SLFN12L: variants seen among roughly 807,000 people sequenced by gnomAD.
SLFN12L encodes schlafen family member 12 like, also known as schlafen family member 12-like.
Under a neutral mutation model 34.8 loss-of-function variants are expected in SLFN12L, and 34 were observed. The ratio of observed to expected loss-of-function variants is 0.98; its 90% confidence interval spans 0.74 to 1.30. The LOEUF (loss-of-function observed/expected upper bound fraction) is 1.30, where lower values mean the gene tolerates loss of function less well. SLFN12L is among the 50% of genes most tolerant of loss of function. The pLI is 0.00. For missense variants in SLFN12L, 703 were observed against 696.2 expected (o/e 1.01, Z -0.11); for synonymous variants, 259 against 247.5 (o/e 1.05, Z -0.44).
chr17:35,514,975 C>A, intron 2 of SLFN12L: 1 of 463,944 alleles, frequency 2.2e-6, no homozygotes. Flanking sequence ...TATATCTCTT[C>A]CAGGAAGAAT....
At chr17:35,530,428 AGGGAAGG>A (rs1195239286) in intron 1 of SLFN12L, among the ~76,000 whole-genome samples, 19 of 9,884 alleles carry the variant, frequency 1.9e-3, no homozygotes, top group Non-Finnish European at 2.7e-3. Context: ...GAAGGAAGGA[AGGGAAGG>A]GAAGGGAAGA....
intron 2 of SLFN12L, chr17:35,491,000 C>G: frequency 1.3e-6 from 1 of 788,328 alleles, no homozygotes; most frequent in Non-Finnish European, 2.3e-6. Context: ...TATGGGAAAC[C>G]TTTCTCCTCC....
chr17:35,518,507 T>C (rs578124839), intron 2 of SLFN12L, among the ~76,000 whole-genome samples: 31 of 147,494 alleles, frequency 2.1e-4, no homozygotes, highest in Non-Finnish European at 4.0e-4. Flanking sequence ...GCCGAGATCG[T>C]GCCACTGCAC....
intron 2 of SLFN12L, among the ~76,000 whole-genome samples, chr17:35,516,049 CACTT>C (rs1378548517): frequency 6.6e-6 from 1 of 152,080 alleles, no homozygotes; most frequent in African/African-American, 2.4e-5. Context: ...TTTATATAAA[CACTT>C]AGTAACATCT....
intron 2 of SLFN12L, among the ~76,000 whole-genome samples, chr17:35,508,320 A>G (rs1915530638): frequency 6.6e-6 from 1 of 152,150 alleles, no homozygotes; most frequent in African/African-American, 2.4e-5. Flanking sequence ...TCTTCCTTCT[A>G]CAACTCGGTG....
At chr17:35,489,180 CACTG>C (rs1200992794) in intron 2 of SLFN12L, among the ~76,000 whole-genome samples, 1 of 152,178 alleles carries the variant, frequency 6.6e-6, no homozygotes, top group Non-Finnish European at 1.5e-5. Flanking sequence ...CTTCTTCAGT[CACTG>C]ACTTACAAAA....
chr17:35,524,045 G>C (rs1300986851), intron 1 of SLFN12L, among the ~76,000 whole-genome samples: 1 of 152,118 alleles, frequency 6.6e-6, no homozygotes, highest in Non-Finnish European at 1.5e-5. Flanking sequence ...TTTGTAAGTG[G>C]TAATTTGAAA....
rs771850062 is a variant in SLFN12L at position 35,479,471 on chromosome 17, A to G, written c.811T>C (p.Phe271Leu). The G allele has an allele frequency of 1.2e-6, 2 of 1,614,044 alleles. No individual in the cohort carries two copies. Among genetic ancestry groups the G allele is most frequent in the African/African-American group, 2.7e-5 (2 of 74,936 alleles). The change falls in exon 3 of 5, where the codon TTT becomes CTT. Residue 271 changes from phenylalanine (F) to leucine (L), a missense_variant. Physicochemically the swap from Phe to Leu is conservative, Grantham distance 22. Transcript: ENST00000628453. ...AAATATCCTCCATCAGTATTTGCAA[A>G]TGCAGAAACATATTGAGGGAGAATC... ...TEILPQYVSA[F>L]ANTDGGYLFV...
Position 35,468,255 on chromosome 17 carries a change from C to G in SLFN12L, c.*6668G>C, listed in dbSNP as rs371446637. On this transcript the variant is annotated 3_prime_UTR_variant, in exon 5 of 5. Coordinates refer to ENST00000628453, the MANE Select transcript of SLFN12L (RefSeq NM_001363830.2). The stretch of plus-strand genomic sequence containing the variant: ...ATGGGTGCTTTTGTTGTTTTATCAT[C>G]TGGAGGCACCAACCCTCCATACAAG... Among the ~76,000 whole-genome samples the G allele has an allele frequency of 8.4e-4, 128 of 152,270 alleles. 1 individual carries two copies. Among genetic ancestry groups the G allele is most frequent in the African/African-American group, 2.9e-3 (119 of 41,552 alleles).
At chr17:35,521,963 C>A (rs1014979509) in intron 2 of SLFN12L, among the ~76,000 whole-genome samples, 14 of 151,956 alleles carry the variant, frequency 9.2e-5, no homozygotes, top group Non-Finnish European at 1.8e-4. Context: ...CACACCGGGG[C>A]CTGTTGTGGG....
rs1409814757 is a variant in SLFN12L, at chr17:35,495,872, C to T, written c.87-15677G>A. Among the ~76,000 whole-genome samples the T allele has an allele frequency of 3.4e-5, 5 of 146,270 alleles. No homozygotes were observed. In the Admixed American group the frequency reaches 3.5e-4, roughly 10 times the overall value. On this transcript the variant is annotated intron_variant, in intron 2 of 4. Transcript: ENST00000628453. ...CAGAATCTGAAGCGTGCAGGGTGAG[C>T]GACAGAAGCTGGAGAAAGCCGATTT...
intron 2 of SLFN12L, among the ~76,000 whole-genome samples, chr17:35,521,164 A>G (rs1291249375): frequency 6.6e-6 from 1 of 152,192 alleles, no homozygotes; most frequent in Non-Finnish European, 1.5e-5. Flanking sequence ...TCAAAAATAA[A>G]GTCTGAAAAA....
chr17:35,490,598 C>G (rs1914798795), intron 2 of SLFN12L: 1 of 831,390 alleles, frequency 1.2e-6, no homozygotes, highest in Non-Finnish European at 2.1e-6. Flanking sequence ...CAAGGCCTGT[C>G]AAAAGAAATG....
Position 35,530,439 on chromosome 17 carries a change from GGGAAGAAAGAAAGAAAGAAA to G in SLFN12L, c.-606+7114_-606+7133del, listed in dbSNP as rs1193416207. On this transcript the variant is annotated intron_variant, in intron 1 of 4. Coordinates refer to ENST00000628453, the MANE Select transcript of SLFN12L (RefSeq NM_001363830.2). ...GAAGGAAGGAAGGAAGGGAAGGGAA[GGGAAGAAAGAAAGAAAGAAA>G]GAAAGAAAGAAAGAAAGAAAGAAAG... Among the ~76,000 whole-genome samples, 15 of 10,952 alleles carry G rather than the reference GGGAAGAAAGAAAGAAAGAAA, an allele frequency of 1.4e-3. 1 individual carries two copies. Among genetic ancestry groups the G allele is most frequent in the African/African-American group, 1.9e-3 (11 of 5,766 alleles). The allele number at this position is 10,952 out of a possible 152,430, so 7.2% of individuals were successfully genotyped here.
At chr17:35,478,553 A>G (rs1297779401) in intron 3 of SLFN12L, 1 of 189,618 alleles carries the variant, frequency 5.3e-6, no homozygotes, top group Non-Finnish European at 1.1e-5. Context: ...ACAAGTTTGC[A>G]TTTTCAGAGA....
At chr17:35,526,936 G>T (rs1406177543) in intron 1 of SLFN12L, among the ~76,000 whole-genome samples, 2 of 151,560 alleles carry the variant, frequency 1.3e-5, no homozygotes, top group Non-Finnish European at 2.9e-5. Flanking sequence ...TTTTTGAAAA[G>T]ATCCACAAGA....
At chr17:35,525,828 T>C (rs982448953) in intron 1 of SLFN12L, among the ~76,000 whole-genome samples, 14 of 152,142 alleles carry the variant, frequency 9.2e-5, no homozygotes, top group Non-Finnish European at 1.6e-4. Context: ...GCTAGCATCA[T>C]AGTAACAGGA....
At chr17:35,498,184 TG>T in intron 2 of SLFN12L, 1 of 565,060 alleles carries the variant, frequency 1.8e-6, no homozygotes, top group Admixed American at 2.8e-5. Context: ...GGCGGCGGCG[TG>T]GGGAGCCGGG....
intron 2 of SLFN12L, among the ~76,000 whole-genome samples, chr17:35,504,270 T>A (rs1191701894): frequency 6.6e-6 from 1 of 152,012 alleles, no homozygotes; most frequent in African/African-American, 2.4e-5. Flanking sequence ...CAATCAGGAG[T>A]CTTGCCCCCC....
Sources: allele counts gnomAD v4.1 joint callset (sites outside exome capture counted in the v4.1 genomes callset), GRCh38; gene constraint gnomAD v4.1.1; transcripts MANE v1.5; gene names NCBI Gene and HGNC (gene_info 2026-07-23, HGNC 2026-07-21).